The following PCDHA8 variants were observed in gnomAD, a reference collection of about 807,000 sequenced individuals.
PCDHA8 encodes the protein protocadherin alpha 8, also known as protocadherin alpha-8.
A neutral mutation model predicts 61.8 loss-of-function variants in PCDHA8; 53 were observed. That is an observed-to-expected ratio of 0.86 (90% CI 0.69 to 1.08). The LOEUF is 1.08. Ranked by LOEUF, PCDHA8 falls within the 50% of genes least tolerant of loss-of-function variation. The pLI is 0.00. For synonymous variants in PCDHA8, 618 were observed against 556.6 expected (o/e 1.11, Z -1.55); for missense variants, 1,293 against 1,245.0 (o/e 1.04, Z -0.58).
intron 1 of PCDHA8, chr5:140,871,159 G>A (rs781816033): frequency 1.2e-6 from 2 of 1,613,450 alleles, no homozygotes; most frequent in African/African-American, 1.3e-5. Flanking sequence ...GGCGGGCGCC[G>A]CGAGCCCAGA....
chr5:140,910,551 T>G (rs1330218807), intron 1 of PCDHA8, among the ~76,000 whole-genome samples: 1 of 152,178 alleles, frequency 6.6e-6, no homozygotes, highest in East Asian at 1.9e-4. Flanking sequence ...TTGCAAAGTA[T>G]TAGTCAAGGA....
At position 141,000,391 on chromosome 5, in the gene PCDHA8, CTCTCTATA is replaced by C. The variant is rs1374519322; in HGVS notation, c.2543-9234_2543-9227del. Reference sequence around the variant, plus strand: ...TCTCTCTCTCTCTCTCTCTCTCTCTCTCTCTATATATATATATATATATATATATATTT... The same window carrying C: ...TCTCTCTCTCTCTCTCTCTCTCTCTCTATATATATATATATATATATATTT... On this transcript the variant is annotated intron_variant, in intron 3 of 3. Transcript: ENST00000531613. Among the ~76,000 whole-genome samples the C allele has an allele frequency of 7.6e-3, 431 of 56,394 alleles. 1 individual carries two copies. The highest frequency in any genetic ancestry group is 0.013 in the African/African-American group (152 of 11,988). The allele number at this position is 56,394 out of a possible 152,430, so 37.0% of individuals were successfully genotyped here. A position where few individuals can be genotyped will look rare whatever the true frequency, so the allele number is the denominator to read the frequency against.
intron 1 of PCDHA8, chr5:140,928,017 C>T (rs782665827): frequency 1.2e-6 from 2 of 1,614,064 alleles, no homozygotes; most frequent in East Asian, 4.5e-5. Flanking sequence ...ATGGTAGGGT[C>T]ATTTGTGGCA....
At chr5:140,853,680 C>CTATCCTTAGACCTGCTAACGCATTAGCAT in intron 1 of PCDHA8, 1 of 988,078 alleles carries the variant, frequency 1.0e-6, no homozygotes, top group South Asian at 4.7e-5. Context: ...TATGGTCAAC[C>CTATCCTTAGACCTGCTAACGCATTAGCAT]TATCCTTAGA....
chr5:140,902,798 T>C (rs1554190660), intron 1 of PCDHA8, among the ~76,000 whole-genome samples: 1 of 152,156 alleles, frequency 6.6e-6, no homozygotes, highest in Admixed American at 6.5e-5. Context: ...CACTTGTATG[T>C]GAGAATATAC....
chr5:140,842,853 A>C lies in PCDHA8; in HGVS notation c.1532A>C (p.His511Pro). Residue 511 changes from histidine to proline, a missense_variant, in exon 1 of 4, where the codon CAC becomes CCC. Physicochemically the swap from His to Pro is moderately conservative, Grantham distance 77. Transcript: ENST00000531613. ...TCGCTGTCGAGCTACATTTCGGTGC[A>C]CACGGAGAGCGGCAAGGTGTACGCG... is the stretch of plus-strand genomic sequence containing the variant. Reference protein sequence around the residue: ...ERSLSSYISVHTESGKVYALQ... With the variant: ...ERSLSSYISVPTESGKVYALQ... 6.3e-7 allele frequency: 1 copy of C among 1,593,882 alleles called. No individual in the cohort carries two copies. Among genetic ancestry groups the C allele is most frequent in the Middle Eastern group, 2.1e-4 (1 of 4,734 alleles).
intron 1 of PCDHA8, among the ~76,000 whole-genome samples, chr5:140,900,465 C>T (rs936722061): frequency 1.3e-5 from 2 of 152,156 alleles, no homozygotes; most frequent in Admixed American, 1.3e-4. Context: ...TTAGTAGACA[C>T]GGAGTTTCTC....
At chr5:140,869,591 A>AGAAT in intron 1 of PCDHA8, 1 of 1,614,138 alleles carries the variant, frequency 6.2e-7, no homozygotes. Flanking sequence ...GCTGACATTG[A>AGAAT]AGAGAATGCT....
intron 1 of PCDHA8, chr5:140,864,514 A>ATTTTACTTCTTAATT (rs2048501242): frequency 6.6e-6 from 1 of 152,082 alleles, no homozygotes; most frequent in African/African-American, 2.4e-5. Context: ...TTTAAAGGTG[A>ATTTTACTTCTTAATT]TTTTACTTCT....
intron 1 of PCDHA8, chr5:140,881,399 T>C (rs2058702396): frequency 1.0e-6 from 1 of 975,460 alleles, no homozygotes; most frequent in Non-Finnish European, 1.2e-6. Flanking sequence ...TTAAATTCTA[T>C]TAAATCAATA....
At chr5:140,886,923 A>G (rs2061226884) in intron 1 of PCDHA8, among the ~76,000 whole-genome samples, 1 of 151,812 alleles carries the variant, frequency 6.6e-6, no homozygotes, top group Non-Finnish European at 1.5e-5. Context: ...AGTGTTCTCT[A>G]TGTGCCAGGC....
Position 140,978,964 on chromosome 5 carries a change from C to G in PCDHA8, c.2410C>G (p.Pro804Ala). ...GATTTTGCAGCCACGACAGCCCAAC[C>G]CTGACTGGCGTTACTCTGCCTCCCT... ...DHGLKPRQPN[P>A]DWRYSASLRA... is the part of the protein sequence containing the mutation. The change falls in exon 2 of 4, where the codon CCT becomes GCT. Residue 804 changes from proline to alanine, a missense_variant. Transcript: ENST00000531613. 3 of 1,614,122 alleles carry G rather than the reference C, an allele frequency of 1.9e-6. No homozygotes were observed. The highest frequency in any genetic ancestry group is 2.5e-6 in the Non-Finnish European group (3 of 1,180,010).
intron 1 of PCDHA8, among the ~76,000 whole-genome samples, chr5:140,920,549 G>T (rs957534849): frequency 6.6e-6 from 1 of 152,120 alleles, no homozygotes; most frequent in Non-Finnish European, 1.5e-5. Flanking sequence ...TTTCACCTTC[G>T]AAGTGTGGCC....
At chr5:140,980,595 A>G (rs2096897056) in intron 2 of PCDHA8, among the ~76,000 whole-genome samples, 1 of 152,222 alleles carries the variant, frequency 6.6e-6, no homozygotes, top group South Asian at 2.1e-4. Context: ...GAGCCACTGC[A>G]CTCCAGCCTG....
intron 1 of PCDHA8, chr5:140,929,372 G>A: frequency 1.3e-6 from 2 of 1,514,740 alleles, no homozygotes; most frequent in Non-Finnish European, 1.8e-6. Context: ...GGAGATGGCT[G>A]CTAGCTGTGT....
chr5:140,842,970 C>T lies in PCDHA8; in HGVS notation c.1649C>T (p.Thr550Met). The change falls in exon 1 of 4, where the codon ACG (threonine) becomes ATG (methionine). Residue 550 changes from threonine (T) to methionine (M), a missense_variant. Physicochemically the swap from Thr to Met is moderately conservative, Grantham distance 81. Coordinates refer to ENST00000531613, the MANE Select transcript of PCDHA8 (RefSeq NM_018911.3). ...AGVPPLGSNV[T>M]LQVFVLDEND... ...GTGCCGCCTCTGGGCAGCAACGTGACGCTGCAGGTGTTCGTGCTGGACGAG... is the reference window on the plus strand; with the variant it reads ...GTGCCGCCTCTGGGCAGCAACGTGATGCTGCAGGTGTTCGTGCTGGACGAG... The T allele has an allele frequency of 6.3e-7, 1 of 1,594,990 alleles. No individual in the cohort carries two copies. Among genetic ancestry groups the T allele is most frequent in the Non-Finnish European group, 8.6e-7 (1 of 1,165,490 alleles).
intron 1 of PCDHA8, among the ~76,000 whole-genome samples, chr5:140,916,434 C>T (rs1554197442): frequency 1.3e-5 from 2 of 152,184 alleles, no homozygotes; most frequent in Non-Finnish European, 2.9e-5. Context: ...AACCTAAGGC[C>T]CACAGTATAC....
intron 1 of PCDHA8, among the ~76,000 whole-genome samples, chr5:140,895,167 T>G (rs1289758040): frequency 6.6e-6 from 1 of 152,186 alleles, no homozygotes; most frequent in African/African-American, 2.4e-5. Flanking sequence ...CAATCCAATC[T>G]ATTTGTAGTC....
Position 141,002,911 on chromosome 5 carries a change from G to C in PCDHA8, c.2543-6716G>C, listed in dbSNP as rs565172510. Among the ~76,000 whole-genome samples the C allele has an allele frequency of 3.3e-5, 5 of 152,330 alleles. No homozygotes were observed. The South Asian group carries it at 1.0e-3, about 32-fold the overall frequency. On this transcript the variant is annotated intron_variant, in intron 3 of 3. Transcript: ENST00000531613. ...ACAAAGCAAGATGAAGAGAAGATCA[G>C]AAAAGTGAACACCCTCCAACACCCT...
Sources: gnomAD v4.1 joint callset for allele counts (sites outside exome capture counted in the v4.1 genomes callset) on GRCh38, gnomAD v4.1.1 for gene constraint, MANE v1.5 for transcripts, NCBI Gene and HGNC (gene_info 2026-07-23, HGNC 2026-07-21) for gene names.